Variants in C10orf90 observed in about 807,000 individuals in gnomAD.
C10orf90 encodes the protein chromosome 10 open reading frame 90.
In C10orf90, 56 loss-of-function variants were observed where a neutral mutation model predicts 62.5. That is an observed-to-expected ratio of 0.90 (90% CI 0.72 to 1.12). The LOEUF (loss-of-function observed/expected upper bound fraction) is 1.12, where lower values mean the gene tolerates loss of function less well. Among genes scored for constraint, C10orf90 ranks in the 50% most tolerant of loss-of-function variants. C10orf90 has a pLI of 0.00. For synonymous variants in C10orf90, 386 were observed against 340.4 expected, an observed-to-expected ratio of 1.13 and a Z score of -1.47; for missense variants, 970 against 880.4, an observed-to-expected ratio of 1.10 and a Z score of -1.29.
intron 2 of C10orf90, among the ~76,000 whole-genome samples, chr10:126,645,116 T>A (rs1446442935): frequency 3.0e-5 from 4 of 132,260 alleles, no homozygotes; most frequent in Non-Finnish European, 4.7e-5. Context: ...TGTTGTGGGG[T>A]GGGAGGAGGG....
intron 2 of C10orf90, among the ~76,000 whole-genome samples, chr10:126,516,351 A>G (rs1351354078): frequency 6.6e-6 from 1 of 152,194 alleles, no homozygotes; most frequent in Non-Finnish European, 1.5e-5. Flanking sequence ...GCCCTCCCCA[A>G]GACCCAGCTG....
chr10:126,473,655 T>A (rs989575153), intron 4 of C10orf90, among the ~76,000 whole-genome samples: 4 of 152,044 alleles, frequency 2.6e-5, no homozygotes, highest in African/African-American at 9.7e-5. Context: ...TTTTATTTTT[T>A]TTTTACAATA....
At chr10:126,522,710 T>A (rs1303538680) in intron 2 of C10orf90, 2 of 152,242 alleles carry the variant, frequency 1.3e-5, no homozygotes, top group Non-Finnish European at 2.9e-5. Context: ...TGAGCTCCAT[T>A]TAAGTCTCTT....
intron 2 of C10orf90, among the ~76,000 whole-genome samples, chr10:126,574,923 T>C (rs1844579661): frequency 6.6e-6 from 1 of 152,108 alleles, no homozygotes; most frequent in Admixed American, 6.5e-5. Flanking sequence ...GGTAGAATAT[T>C]GAAAGCTTTC....
intron 4 of C10orf90, among the ~76,000 whole-genome samples, chr10:126,483,741 C>G (rs981368185): frequency 1.3e-5 from 2 of 152,218 alleles, no homozygotes; most frequent in Non-Finnish European, 2.9e-5. Context: ...AGCAACCCTT[C>G]AGAGGCCCCA....
rs1309175267 is a variant in C10orf90 at position 126,461,646 on chromosome 10, C to T, written c.1826-61G>A. On this transcript the variant is annotated intron_variant, in intron 5 of 9. Coordinates refer to ENST00000488181, the MANE Select transcript of C10orf90 (RefSeq NM_001350921.2). ...ACCAAGTGATTTTCACGTGGCTCCT[C>T]AATACCATTAGACACAGAAGACAAT... is the stretch of plus-strand genomic sequence containing the variant. The T allele has an allele frequency of 7.4e-6, 10 of 1,348,116 alleles. No homozygotes were observed. The Admixed American group carries it at 1.5e-4, about 21-fold the overall frequency. 83.5% of individuals were successfully genotyped at this position (1,348,116 alleles called of 1,614,324 possible). A position where few individuals can be genotyped will look rare whatever the true frequency, so the allele number is the denominator to read the frequency against.
intron 4 of C10orf90, among the ~76,000 whole-genome samples, chr10:126,482,392 C>T (rs903554857): frequency 6.6e-6 from 1 of 152,156 alleles, no homozygotes; most frequent in African/African-American, 2.4e-5. Context: ...GTACAGATTC[C>T]ATCAGAACCA....
intron 2 of C10orf90, among the ~76,000 whole-genome samples, chr10:126,580,652 C>CAAAA (rs58927719): frequency 7.4e-6 from 1 of 134,962 alleles, no homozygotes; most frequent in African/African-American, 2.8e-5. Context: ...GGCTCTGTCT[C>CAAAA]AAAAAAAAAA....
chr10:126,501,543 T>C (rs1324174310), intron 4 of C10orf90, among the ~76,000 whole-genome samples: 1 of 151,988 alleles, frequency 6.6e-6, no homozygotes, highest in Non-Finnish European at 1.5e-5. Flanking sequence ...CTTGGGCAAA[T>C]AGAGCTGAAA....
At chr10:126,562,677 C>A (rs1471691088) in intron 2 of C10orf90, among the ~76,000 whole-genome samples, 1 of 152,166 alleles carries the variant, frequency 6.6e-6, no homozygotes, top group African/African-American at 2.4e-5. Context: ...TTAATGGGCA[C>A]CAGTTGTGTG....
chr10:126,527,203 C>T (rs1360000065), intron 2 of C10orf90, among the ~76,000 whole-genome samples: 3 of 152,158 alleles, frequency 2.0e-5, no homozygotes, highest in African/African-American at 4.8e-5. Context: ...TTTCATTTTT[C>T]GCCAGCCTTC....
At chr10:126,534,941 C>T (rs1302270554) in intron 2 of C10orf90, among the ~76,000 whole-genome samples, 1 of 152,156 alleles carries the variant, frequency 6.6e-6, no homozygotes, top group Admixed American at 6.5e-5. Context: ...TGGGCCACTT[C>T]CCACCTCACT....
At chr10:126,660,414 G>A (rs184243976) in intron 1 of C10orf90, among the ~76,000 whole-genome samples, 1 of 152,296 alleles carries the variant, frequency 6.6e-6, no homozygotes, top group African/African-American at 2.4e-5. Flanking sequence ...AGCAAACAAC[G>A]TATTGTGAGC....
chr10:126,547,374 G>A (rs1008184552), intron 2 of C10orf90, among the ~76,000 whole-genome samples: 9 of 151,482 alleles, frequency 5.9e-5, no homozygotes, highest in African/African-American at 9.7e-5. Context: ...AGCCAAGATC[G>A]TGCCACTGCA....
At chr10:126,440,485 T>C (rs1286504532) in intron 7 of C10orf90, among the ~76,000 whole-genome samples, 1 of 152,090 alleles carries the variant, frequency 6.6e-6, no homozygotes, top group Non-Finnish European at 1.5e-5. Flanking sequence ...GGGCATATAT[T>C]CTTGGGAGTT....
chr10:126,641,465 C>T lies in C10orf90; in HGVS notation c.313+5100G>A, dbSNP rs113048076. On this transcript the variant is annotated intron_variant, in intron 2 of 9. Coordinates refer to ENST00000488181, the MANE Select transcript of C10orf90 (RefSeq NM_001350921.2). ...CGATCAGAAGGGAGAAAATTCCACG[C>T]CCCCCGCCATCCGCCCGCTCCTTTT... Among the ~76,000 whole-genome samples the T allele has an allele frequency of 2.0e-5, 3 of 152,092 alleles. 1 individual carries two copies. The highest frequency in any genetic ancestry group is 7.2e-5 in the African/African-American group (3 of 41,490).
At chr10:126,507,024 A>G (rs548710289) in intron 3 of C10orf90, among the ~76,000 whole-genome samples, 1 of 152,006 alleles carries the variant, frequency 6.6e-6, no homozygotes, top group African/African-American at 2.4e-5. Context: ...CTTGTTTTGC[A>G]TGACAATCTC....
chr10:126,457,947 T>C (rs954941723), intron 7 of C10orf90, among the ~76,000 whole-genome samples: 11 of 152,174 alleles, frequency 7.2e-5, no homozygotes, highest in African/African-American at 2.7e-4. Context: ...CTTTCGTTAG[T>C]ATACTGGAAC....
At chr10:126,576,221 C>A (rs763440733) in intron 2 of C10orf90, among the ~76,000 whole-genome samples, 4 of 151,816 alleles carry the variant, frequency 2.6e-5, no homozygotes, top group Non-Finnish European at 5.9e-5. Flanking sequence ...CTCAAACAAT[C>A]CAACAGCAAA....
Sources: allele counts gnomAD v4.1 joint callset (sites outside exome capture counted in the v4.1 genomes callset), GRCh38; gene constraint gnomAD v4.1.1; transcripts MANE v1.5; gene names NCBI Gene and HGNC (gene_info 2026-07-23, HGNC 2026-07-21).